Variants in RAB11FIP4 observed in about 807,000 individuals in gnomAD.
The protein encoded by RAB11FIP4 is rab11 family-interacting protein 4.
Under a neutral mutation model 74.3 loss-of-function variants are expected in RAB11FIP4, and 23 were observed. The ratio of observed to expected loss-of-function variants is 0.31; its 90% CI spans 0.22 to 0.44. The LOEUF is 0.44. RAB11FIP4 is among the 20% of genes least tolerant of loss of function. The pLI is 1.00. For synonymous variants in RAB11FIP4, 360 were observed against 359.9 expected, an observed-to-expected ratio of 1.00 and a Z score of 0.00; for missense variants, 630 against 863.9, an observed-to-expected ratio of 0.73 and a Z score of 3.39.
intron 4 of RAB11FIP4, chr17:31,518,379 G>A (rs933449426): frequency 1.4e-5 from 2 of 146,696 alleles, no homozygotes; most frequent in Non-Finnish European, 1.5e-5. Flanking sequence ...AAAAAAAAAG[G>A]GCAGGTTACA....
At chr17:31,444,756 A>T (rs528789543) in intron 3 of RAB11FIP4, among the ~76,000 whole-genome samples, 8 of 152,146 alleles carry the variant, frequency 5.3e-5, no homozygotes, top group Non-Finnish European at 1.0e-4. Context: ...GGAGGGAAAA[A>T]TTTGGGTTTT....
intron 3 of RAB11FIP4, among the ~76,000 whole-genome samples, chr17:31,440,698 G>A (rs555410561): frequency 6.6e-6 from 1 of 152,320 alleles, no homozygotes; most frequent in East Asian, 1.9e-4. Context: ...GAACCCGGGA[G>A]GCGGAGGTTG....
At chr17:31,441,489 G>A (rs2071406686) in intron 3 of RAB11FIP4, among the ~76,000 whole-genome samples, 3 of 151,774 alleles carry the variant, frequency 2.0e-5, no homozygotes. Context: ...TGTTAATCTT[G>A]TCATGATAAC....
At chr17:31,452,177 A>T (rs754285519) in intron 3 of RAB11FIP4, among the ~76,000 whole-genome samples, 3 of 152,104 alleles carry the variant, frequency 2.0e-5, no homozygotes, top group Non-Finnish European at 2.9e-5. Flanking sequence ...GTGTCCTGTC[A>T]TCCCCCACTG....
At chr17:31,513,124 C>T (rs1421494813) in intron 3 of RAB11FIP4, among the ~76,000 whole-genome samples, 1 of 152,144 alleles carries the variant, frequency 6.6e-6, no homozygotes, top group Non-Finnish European at 1.5e-5. Context: ...ATGGTATCCT[C>T]TCCCATGACC....
At chr17:31,447,238 T>G (rs372957756) in intron 3 of RAB11FIP4, among the ~76,000 whole-genome samples, 22 of 152,314 alleles carry the variant, frequency 1.4e-4, no homozygotes, top group African/African-American at 5.1e-4. Context: ...GAGCCGAGAT[T>G]GTGCCACTGC....
chr17:31,451,304 C>G (rs72481500), intron 3 of RAB11FIP4, among the ~76,000 whole-genome samples: 22,888 of 151,612 alleles, frequency 0.15, 3,058 homozygotes, highest in African/African-American at 0.33. Context: ...ACTAAGAATA[C>G]AAAAATTAGC....
intron 3 of RAB11FIP4, among the ~76,000 whole-genome samples, chr17:31,499,752 T>C (rs568570753): frequency 1.9e-3 from 284 of 151,620 alleles, no homozygotes; most frequent in African/African-American, 6.5e-3. Flanking sequence ...GTAGGCGCCC[T>C]AGTATGTCAA....
At chr17:31,518,277 G>C (rs376588443) in intron 4 of RAB11FIP4, among the ~76,000 whole-genome samples, 15 of 143,062 alleles carry the variant, frequency 1.0e-4, no homozygotes, top group African/African-American at 2.9e-4. Context: ...AGGATCGCTT[G>C]AGCCCAGGAG....
intron 5 of RAB11FIP4, 129 bp from the exon 6 acceptor site, chr17:31,521,786 C>A: frequency 9.6e-7 from 1 of 1,036,530 alleles, no homozygotes; most frequent in Non-Finnish European, 1.4e-6. Flanking sequence ...TATATTTCCA[C>A]TCCCTGCCCC....
intron 3 of RAB11FIP4, among the ~76,000 whole-genome samples, chr17:31,451,917 G>A (rs1231809239): frequency 6.6e-6 from 1 of 151,748 alleles, no homozygotes; most frequent in Non-Finnish European, 1.5e-5. Flanking sequence ...CTGTGTAATA[G>A]TGATACATGT....
At chr17:31,514,733 G>C (rs1043422830) in intron 3 of RAB11FIP4, among the ~76,000 whole-genome samples, 4 of 152,220 alleles carry the variant, frequency 2.6e-5, no homozygotes, top group African/African-American at 9.6e-5. Context: ...TGTCCTCTGA[G>C]AGCCCCAGGT....
chr17:31,514,438 G>A (rs568890975), intron 3 of RAB11FIP4, among the ~76,000 whole-genome samples: 1 of 152,208 alleles, frequency 6.6e-6, no homozygotes, highest in Non-Finnish European at 1.5e-5. Flanking sequence ...GGATGTGGCT[G>A]TAGGGGGAAG....
chr17:31,410,575 A>G (rs1382524082), intron 1 of RAB11FIP4, among the ~76,000 whole-genome samples: 3 of 151,844 alleles, frequency 2.0e-5, no homozygotes, highest in East Asian at 1.9e-4. Context: ...TTGGCCAGGC[A>G]TGGTGGTGCG....
At chr17:31,481,722 T>G (rs960768785) in intron 3 of RAB11FIP4, among the ~76,000 whole-genome samples, 1 of 152,144 alleles carries the variant, frequency 6.6e-6, no homozygotes, top group African/African-American at 2.4e-5. Flanking sequence ...GTCAGGGGGC[T>G]TGTTTGTTAG....
intron 1 of RAB11FIP4, among the ~76,000 whole-genome samples, chr17:31,416,945 T>A (rs1194394246): frequency 6.6e-6 from 1 of 152,124 alleles, no homozygotes. Flanking sequence ...TACAGGCCCT[T>A]TGCCTGGCTC....
intron 3 of RAB11FIP4, among the ~76,000 whole-genome samples, chr17:31,484,438 C>G (rs1037923746): frequency 1.2e-4 from 18 of 151,910 alleles, no homozygotes; most frequent in Non-Finnish European, 2.2e-4. Context: ...GTACCTAACT[C>G]AAGACCTTCC....
intron 1 of RAB11FIP4, among the ~76,000 whole-genome samples, chr17:31,425,207 C>T (rs551934315): frequency 5.5e-4 from 83 of 152,242 alleles, no homozygotes; most frequent in African/African-American, 1.6e-3. Context: ...CAGGTGGTGG[C>T]GAGGATTAAA....
At chr17:31,488,342 G>T in intron 3 of RAB11FIP4, 1 of 1,064,674 alleles carries the variant, frequency 9.4e-7, no homozygotes, top group Non-Finnish European at 1.1e-6. Flanking sequence ...CCCGGCCCGC[G>T]GCCCCGGGAA....
Sources: gnomAD v4.1 joint callset for allele counts (sites outside exome capture counted in the v4.1 genomes callset) on GRCh38, gnomAD v4.1.1 for gene constraint, MANE v1.5 for transcripts, NCBI Gene and HGNC (gene_info 2026-07-23, HGNC 2026-07-21) for gene names.